SGCD: variants seen among roughly 807,000 people sequenced by gnomAD.
SGCD encodes the protein delta-sarcoglycan.
SGCD carries 18 observed loss-of-function variants against 36.6 expected under a neutral mutation model. The ratio of observed to expected loss-of-function variants is 0.49; its 90% CI spans 0.34 to 0.73. The LOEUF is 0.73. Among genes scored for constraint, SGCD ranks in the 30% least tolerant of loss-of-function variants. The pLI is 0.01. For missense variants in SGCD, 387 were observed against 346.7 expected (o/e 1.12, Z -0.92); for synonymous variants, 133 against 130.6 (o/e 1.02, Z -0.12).
chr5:156,326,973 A>T (rs7725121), upstream of SGCD: 10,353 of 152,408 alleles, frequency 0.068, 381 homozygotes, highest in South Asian at 0.19. Flanking sequence ...AGTCGGTCTG[A>T]CAAAGCCATA....
rs144589457 is a variant in SGCD at position 156,209,913 on chromosome 5, T to C, written c.-44+85894T>C. ...ACAAATTTGGGCCTCAGTGCCACTATTGGGCAGTGCACAATGGGCTCAGAT... is the reference window on the plus strand; with the variant it reads ...ACAAATTTGGGCCTCAGTGCCACTACTGGGCAGTGCACAATGGGCTCAGAT... On this transcript the variant is annotated intron_variant, in intron 3 of 9. Transcript: ENST00000517913. Among the ~76,000 whole-genome samples, 13 of 152,288 alleles carry C rather than the reference T, an allele frequency of 8.5e-5. No individual in the cohort carries two copies. In the East Asian group the frequency reaches 2.3e-3, roughly 27 times the overall value.
rs971597828 is a variant in SGCD, at chr5:156,761,776, C to T, written c.*2386C>T. 2 of 152,014 alleles carry T rather than the reference C, an allele frequency of 1.3e-5. No homozygotes were observed. Among genetic ancestry groups the T allele is most frequent in the African/African-American group, 4.8e-5 (2 of 41,384 alleles). 9.4% of individuals were successfully genotyped at this position (152,014 alleles called of 1,614,324 possible). A position where few individuals can be genotyped will look rare whatever the true frequency, so the allele number is the denominator to read the frequency against. On this transcript the variant is annotated 3_prime_UTR_variant, in exon 9 of 9. Coordinates refer to ENST00000337851, the MANE Select transcript of SGCD (RefSeq NM_000337.6). ...GAGATTAGCACCACAAGTTTCATGC[C>T]AATAAAAGAGACTGGTGTGATCCCA...
chr5:156,761,517 C>T lies in SGCD; in HGVS notation c.*2127C>T, dbSNP rs1224550236. On this transcript the variant is annotated 3_prime_UTR_variant, in exon 9 of 9. Transcript: ENST00000337851. ...TGTATGTATCAATACAGGGTTTTTC[C>T]AAGCCAGGAAACGCCCTCCTTGGCT... The T allele has an allele frequency of 6.6e-6, 1 of 152,044 alleles. No individual in the cohort carries two copies. Among genetic ancestry groups the T allele is most frequent in the African/African-American group, 2.4e-5 (1 of 41,384 alleles). The allele number at this position is 152,044 out of a possible 1,614,324, so 9.4% of individuals were successfully genotyped here. A position where few individuals can be genotyped will look rare whatever the true frequency, so the allele number is the denominator to read the frequency against.
chr5:156,426,558 T>G (rs1344053999), intron 3 of SGCD, among the ~76,000 whole-genome samples: 2 of 152,164 alleles, frequency 1.3e-5, no homozygotes, highest in African/African-American at 4.8e-5. Context: ...CAGAAGCTTT[T>G]TAGTTTAATT....
chr5:156,467,406 TC>T (rs771023343), intron 3 of SGCD, among the ~76,000 whole-genome samples: 4 of 152,194 alleles, frequency 2.6e-5, no homozygotes, highest in Non-Finnish European at 5.9e-5. Context: ...TCACATTTTT[TC>T]TCACTGCACT....
chr5:155,946,203 G>A (rs6556104), intron 1 of SGCD, among the ~76,000 whole-genome samples: 19,314 of 152,068 alleles, frequency 0.13, 1,479 homozygotes, highest in African/African-American at 0.21. Flanking sequence ...TGATTTTTAG[G>A]CACTTTGAGT....
intron 4 of SGCD, among the ~76,000 whole-genome samples, chr5:156,534,945 G>A (rs1467036796): frequency 6.6e-6 from 1 of 152,090 alleles, no homozygotes; most frequent in Non-Finnish European, 1.5e-5. Context: ...CTCCTATGTT[G>A]TTAAAAATAT....
the SGCD span, among the ~76,000 whole-genome samples, chr5:155,804,495 T>C: frequency 6.6e-6 from 1 of 152,236 alleles, no homozygotes; most frequent in Non-Finnish European, 1.5e-5. Context: ...TTATGCTGTA[T>C]GATTGTATCC....
intron 3 of SGCD, among the ~76,000 whole-genome samples, chr5:156,204,690 A>T (rs1426896027): frequency 6.6e-6 from 1 of 152,096 alleles, no homozygotes; most frequent in South Asian, 2.1e-4. Flanking sequence ...TGAGGAATAA[A>T]TATAGTTATA....
chr5:156,647,254 C>T (rs1177461193), intron 6 of SGCD, among the ~76,000 whole-genome samples: 1 of 152,142 alleles, frequency 6.6e-6, no homozygotes, highest in African/African-American at 2.4e-5. Context: ...AGCAAGAATG[C>T]TTTCAAAAGA....
chr5:156,197,012 A>G (rs1014782014), intron 3 of SGCD, among the ~76,000 whole-genome samples: 3 of 152,086 alleles, frequency 2.0e-5, no homozygotes, highest in Non-Finnish European at 4.4e-5. Context: ...ACTGTTAATC[A>G]CTCTCCCAGT....
chr5:155,762,338 A>G, the SGCD span, among the ~76,000 whole-genome samples: 2 of 152,208 alleles, frequency 1.3e-5, no homozygotes, highest in African/African-American at 4.8e-5. Flanking sequence ...AATGCATCTT[A>G]TAGTCAAAAC....
intron 4 of SGCD, among the ~76,000 whole-genome samples, chr5:156,550,007 C>T (rs1012861036): frequency 2.0e-5 from 3 of 152,166 alleles, no homozygotes; most frequent in African/African-American, 7.2e-5. Flanking sequence ...ATGTAAAGTG[C>T]CATGAGGTTT....
At chr5:155,801,790 G>C in the SGCD span, among the ~76,000 whole-genome samples, 1 of 152,222 alleles carries the variant, frequency 6.6e-6, no homozygotes, top group African/African-American at 2.4e-5. Flanking sequence ...GAATTCTAGA[G>C]ATTGATTCAA....
the SGCD span, among the ~76,000 whole-genome samples, chr5:155,744,763 G>T: frequency 2.2e-3 from 337 of 152,280 alleles, 1 homozygote; most frequent in African/African-American, 7.8e-3. Context: ...AGGATAAACT[G>T]AAAAGTTTGT....
chr5:156,662,853 A>G (rs1174504884), intron 7 of SGCD, among the ~76,000 whole-genome samples: 1 of 151,480 alleles, frequency 6.6e-6, no homozygotes, highest in Non-Finnish European at 1.5e-5. Context: ...TTCATTTGCT[A>G]ATAAATGTAA....
At position 156,764,956 on chromosome 5, in the gene SGCD, C is replaced by CTGT. The variant is rs1362584765; in HGVS notation, c.*5569_*5571dup. ...AAGCATGTTTACTGTCTAAATCCAC[C>CTGT]TGTTGCAGTAGGAAGCCAGAGTGGG... On this transcript the variant is annotated 3_prime_UTR_variant, in exon 9 of 9. Coordinates refer to ENST00000337851, the MANE Select transcript of SGCD (RefSeq NM_000337.6). The CTGT allele has an allele frequency of 4.6e-5, 7 of 152,162 alleles. No homozygotes were observed. Among genetic ancestry groups the CTGT allele is most frequent in the African/African-American group, 1.7e-4 (7 of 41,424 alleles). 9.4% of individuals were successfully genotyped at this position (152,162 alleles called of 1,614,324 possible).
intron 1 of SGCD, among the ~76,000 whole-genome samples, chr5:155,905,669 G>A (rs1405734880): frequency 2.0e-5 from 3 of 152,096 alleles, no homozygotes; most frequent in Non-Finnish European, 2.9e-5. Flanking sequence ...CACATGTTGT[G>A]GGAGGGACCC....
chr5:156,596,716 T>C (rs1237547979), intron 6 of SGCD, among the ~76,000 whole-genome samples: 4 of 152,180 alleles, frequency 2.6e-5, no homozygotes, highest in East Asian at 3.8e-4. Flanking sequence ...GGATGACTCT[T>C]AGAGCTTCAT....
Sources: gnomAD v4.1 joint callset for allele counts (sites outside exome capture counted in the v4.1 genomes callset) on GRCh38, gnomAD v4.1.1 for gene constraint, MANE v1.5 for transcripts, NCBI Gene and HGNC (gene_info 2026-07-23, HGNC 2026-07-21) for gene names.